ITPR2: variants seen among roughly 807,000 people sequenced by gnomAD.
The protein encoded by ITPR2 is inositol 1,4,5-trisphosphate receptor type 2.
In ITPR2, 207 loss-of-function variants were observed where a neutral mutation model predicts 317.1. That is an observed-to-expected ratio of 0.65 (90% CI 0.58 to 0.73). The LOEUF (loss-of-function observed/expected upper bound fraction) is 0.73. Ranked by LOEUF, ITPR2 falls within the 30% of genes least tolerant of loss-of-function variation. The pLI, the probability that ITPR2 is intolerant of heterozygous loss-of-function variation, is 0.00. For missense variants in ITPR2, 2,613 were observed against 3,284.0 expected (o/e 0.80, Z 4.99); for synonymous variants, 1,156 against 1,149.1 (o/e 1.01, Z -0.12).
intron 26 of ITPR2, among the ~76,000 whole-genome samples, chr12:26,610,688 A>G (rs1246030497): frequency 6.6e-6 from 1 of 152,254 alleles, no homozygotes; most frequent in Admixed American, 6.5e-5. Flanking sequence ...CCAGTGAAAT[A>G]TAATCAATCA....
chr12:26,602,553 T>C (rs10842758), intron 27 of ITPR2, 58 bp from the exon 28 acceptor site: 133,526 of 1,570,936 alleles, frequency 0.085, 6,255 homozygotes, highest in Middle Eastern at 0.12. Context: ...AAGTATAATA[T>C]ATAAGCAAAA....
At chr12:26,555,462 G>T (rs188823677) in intron 36 of ITPR2, among the ~76,000 whole-genome samples, 5 of 152,168 alleles carry the variant, frequency 3.3e-5, no homozygotes, top group African/African-American at 7.2e-5. Context: ...GACGACCTGC[G>T]GATCCCCCTC....
chr12:26,500,171 G>C (rs1943037758), intron 37 of ITPR2, among the ~76,000 whole-genome samples: 1 of 152,200 alleles, frequency 6.6e-6, no homozygotes, highest in African/African-American at 2.4e-5. Flanking sequence ...GGGCATTCTT[G>C]ATAGTTTGCA....
At chr12:26,463,911 C>T (rs1462091897) in intron 45 of ITPR2, among the ~76,000 whole-genome samples, 5 of 152,150 alleles carry the variant, frequency 3.3e-5, no homozygotes, top group Admixed American at 6.5e-5. Context: ...CTCTCACACA[C>T]GCACAGCACG....
intron 46 of ITPR2, among the ~76,000 whole-genome samples, chr12:26,440,163 T>C (rs2136730612): frequency 6.6e-6 from 1 of 152,298 alleles, no homozygotes; most frequent in East Asian, 1.9e-4. Flanking sequence ...CTGAAAGGGC[T>C]TCCAGGAGAG....
intron 35 of ITPR2, among the ~76,000 whole-genome samples, chr12:26,559,293 C>T (rs1010769639): frequency 3.3e-5 from 5 of 152,200 alleles, no homozygotes; most frequent in Admixed American, 2.6e-4. Flanking sequence ...TAATATGTGC[C>T]TTAATCTGTT....
At chr12:26,389,263 A>C (rs1939762409) in intron 54 of ITPR2, among the ~76,000 whole-genome samples, 1 of 152,184 alleles carries the variant, frequency 6.6e-6, no homozygotes, top group South Asian at 2.1e-4. Flanking sequence ...TCCTCAAGAT[A>C]AAGGTCAAAG....
In ITPR2 at chr12:26,337,341, T is replaced by C. The variant is rs933534598; in HGVS notation, c.*2056A>G. On this transcript the variant is annotated 3_prime_UTR_variant, in exon 57 of 57. Coordinates refer to ENST00000381340, the MANE Select transcript of ITPR2 (RefSeq NM_002223.4). The stretch of plus-strand genomic sequence containing the variant: ...CCTCTAGTTCAGATGTCAGAAATAT[T>C]TTGTACTAAAACAGAGATAGGTTCC... The C allele has an allele frequency of 3.9e-5, 6 of 152,224 alleles. No homozygotes were observed. Among genetic ancestry groups the C allele is most frequent in the African/African-American group, 1.4e-4 (6 of 41,458 alleles). 9.4% of individuals were successfully genotyped at this position (152,224 alleles called of 1,614,324 possible).
At chr12:26,746,148 C>T (rs1949318599) in intron 2 of ITPR2, among the ~76,000 whole-genome samples, 1 of 151,860 alleles carries the variant, frequency 6.6e-6, no homozygotes, top group African/African-American at 2.4e-5. Flanking sequence ...AAACATATCA[C>T]CCCATTCATC....
At chr12:26,763,015 G>T (rs1377886279) in intron 2 of ITPR2, among the ~76,000 whole-genome samples, 1 of 152,036 alleles carries the variant, frequency 6.6e-6, no homozygotes, top group African/African-American at 2.4e-5. Context: ...CAAAGTTTCA[G>T]TTAGACAGGA....
chr12:26,483,741 TC>T lies in ITPR2; in HGVS notation c.5968del (p.Glu1990ArgfsTer3), dbSNP rs776946248. Reference protein sequence around the residue: ...KNVALVNQNLESLTEYCQGPC... With the variant: ...KNVALVNQNLXSLTEYCQGPC... ...GCCCTGGCAATACTCAGTCAAGCTC[TC>T]CAGGTTCTGGTTGACCAGCGCTACA... On this transcript the variant is annotated frameshift_variant, in exon 42 of 57. Coordinates refer to ENST00000381340, the MANE Select transcript of ITPR2 (RefSeq NM_002223.4). LOFTEE classifies it high-confidence loss of function. 2 of 1,614,208 alleles carry T rather than the reference TC, an allele frequency of 1.2e-6. No homozygotes were observed. The highest frequency in any genetic ancestry group is 2.2e-5 in the South Asian group (2 of 91,084).
chr12:26,794,426 C>A (rs1420129596), intron 1 of ITPR2, among the ~76,000 whole-genome samples: 2 of 152,152 alleles, frequency 1.3e-5, no homozygotes, highest in Non-Finnish European at 2.9e-5. Context: ...TTGTTTAAGA[C>A]ACTTTATTGC....
At chr12:26,714,256 G>C (rs878975445) in intron 8 of ITPR2, among the ~76,000 whole-genome samples, 14 of 151,970 alleles carry the variant, frequency 9.2e-5, no homozygotes, top group African/African-American at 3.4e-4. Context: ...TTATCTCTCC[G>C]TTTTTCAGTT....
At chr12:26,495,091 A>C (rs1182600571) in intron 38 of ITPR2, 61 bp downstream of exon 38, 2 of 876,686 alleles carry the variant, frequency 2.3e-6, no homozygotes, top group East Asian at 4.8e-5. Context: ...TACTAGAGTA[A>C]CACTGACATG....
At chr12:26,373,864 T>C (rs556801263) in intron 55 of ITPR2, 216 of 152,336 alleles carry the variant, frequency 1.4e-3, no homozygotes, top group African/African-American at 5.1e-3. Context: ...GCCCAAAATG[T>C]ATTCTTTGGA....
At chr12:26,605,126 A>AAATAT (rs1555165395) in intron 26 of ITPR2, among the ~76,000 whole-genome samples, 21 of 136,322 alleles carry the variant, frequency 1.5e-4, no homozygotes, top group African/African-American at 4.8e-4. Context: ...AAAAAATAAA[A>AAATAT]ATATATATAT....
intron 34 of ITPR2, among the ~76,000 whole-genome samples, chr12:26,572,091 G>T (rs535748622): frequency 7.9e-5 from 12 of 152,150 alleles, no homozygotes; most frequent in African/African-American, 2.9e-4. Flanking sequence ...CATATCCCTT[G>T]TTCTGTTTAA....
At chr12:26,452,298 A>AT (rs199936127) in intron 45 of ITPR2, among the ~76,000 whole-genome samples, 4 of 151,436 alleles carry the variant, frequency 2.6e-5, no homozygotes, top group East Asian at 1.9e-4. Context: ...TTTTTAAAGA[A>AT]TTTTTTTTTC....
chr12:26,549,477 A>G (rs1944470948), intron 37 of ITPR2, among the ~76,000 whole-genome samples: 1 of 152,168 alleles, frequency 6.6e-6, no homozygotes, highest in South Asian at 2.1e-4. Flanking sequence ...TTCCAGTTTT[A>G]AAATATCAGA....
Sources: allele counts gnomAD v4.1 joint callset (sites outside exome capture counted in the v4.1 genomes callset), GRCh38; gene constraint gnomAD v4.1.1; transcripts MANE v1.5; gene names NCBI Gene and HGNC (gene_info 2026-07-23, HGNC 2026-07-21).